ATXN1L: variants seen among roughly 807,000 people sequenced by gnomAD.
ATXN1L encodes ataxin 1 like, also known as ataxin-1-like.
In ATXN1L, 8 loss-of-function variants were observed where a neutral mutation model predicts 43.4. The observed-to-expected ratio is 0.18, with a 90% confidence interval of 0.11 to 0.33. The LOEUF is 0.33. Ranked by LOEUF, ATXN1L falls within the 10% of genes least tolerant of loss-of-function variation. The pLI, the probability that ATXN1L is intolerant of heterozygous loss-of-function variation, is 1.00. For missense variants in ATXN1L, 856 were observed against 885.4 expected (o/e 0.97, Z 0.42); for synonymous variants, 379 against 360.6 (o/e 1.05, Z -0.58).
chr16:71,851,280 C>A lies in ATXN1L; in HGVS notation c.1540C>A (p.Gln514Lys). 1 of 1,551,634 alleles carries A rather than the reference C, an allele frequency of 6.4e-7. No individual in the cohort carries two copies. Among genetic ancestry groups the A allele is most frequent in the South Asian group, 1.2e-5 (1 of 84,062 alleles). The change falls in exon 3 of 3, where the codon CAG becomes AAG. Residue 514 changes from glutamine to lysine, a missense_variant. Physicochemically the swap from Gln to Lys is moderately conservative, Grantham distance 53. Around this residue, in one of 7 missense-constraint regions of ATXN1L, gnomAD observed 54 missense variants for 56.6 expected, o/e 0.95. Transcript: ENST00000427980. The surrounding 1 kb of genome is among the most constrained non-coding windows in gnomAD (Gnocchi z 4.9). ...TGACTCTAGCACGGTCGTGGACATT[C>A]AGGAGAGCCAATGGCCTGGATTTGT... is the stretch of plus-strand genomic sequence containing the variant. Reference protein sequence around the residue: ...KIDSSTVVDIQESQWPGFVML... With the variant: ...KIDSSTVVDIKESQWPGFVML...
Position 71,850,116 on chromosome 16 carries a change from C to G in ATXN1L, c.376C>G (p.Pro126Ala). The change falls in exon 3 of 3, where the codon CCA becomes GCA. Residue 126 changes from proline to alanine, a missense_variant. Coordinates refer to ENST00000427980, the MANE Select transcript of ATXN1L (RefSeq NM_001137675.4). Reference sequence around the variant, plus strand: ...TCAACATCCAGGCATCCACTATCCTCCACTCCACTATGCTCAGCTCCCATC... The same window carrying G: ...TCAACATCCAGGCATCCACTATCCTGCACTCCACTATGCTCAGCTCCCATC... ...LIQHPGIHYP[P>A]LHYAQLPSTS... 6.4e-7 allele frequency: 1 copy of G among 1,551,732 alleles called. No individual in the cohort carries two copies. The highest frequency in any genetic ancestry group is 8.7e-7 in the Non-Finnish European group (1 of 1,146,994).
chr16:71,850,217 C>G lies in ATXN1L; in HGVS notation c.477C>G (p.Leu159=), dbSNP rs538942889. Residue 159 remains leucine (L), a synonymous_variant, in exon 3 of 3, where the codon CTC becomes CTG. Transcript: ENST00000427980. The part of the protein sequence containing the change: ...AVPPNFLPSP[L]LSPSANLATS... ...CACCTAATTTCCTACCGAGTCCCCT[C>G]CTATCTCCTTCTGCCAACCTTGCCA... 2.6e-6 allele frequency: 4 copies of G among 1,551,734 alleles called. No homozygotes were observed. The East Asian group carries it at 9.8e-5, about 38-fold the overall frequency.
rs1555497924 is a variant in ATXN1L at position 71,852,241 on chromosome 16, C to A, written c.*431C>A. On this transcript the variant is annotated 3_prime_UTR_variant, in exon 3 of 3. Coordinates refer to ENST00000427980, the MANE Select transcript of ATXN1L (RefSeq NM_001137675.4). The stretch of plus-strand genomic sequence containing the variant: ...AGTTAAACTGTCAGAAGTTTTTTTT[C>A]TTTTTTGTGGTAGAAGGGCAGGAGG... The A allele has an allele frequency of 5.9e-6, 1 of 168,590 alleles. No homozygotes were observed. Among genetic ancestry groups the A allele is most frequent in the African/African-American group, 2.4e-5 (1 of 41,450 alleles). The allele number at this position is 168,590 out of a possible 1,614,324, so 10.4% of individuals were successfully genotyped here. A position where few individuals can be genotyped will look rare whatever the true frequency, so the allele number is the denominator to read the frequency against.
rs1163203669 is a variant in ATXN1L at position 71,850,823 on chromosome 16, C to T, written c.1083C>T (p.Ser361=). ...CAGCTCAGAGGAAGGAGGAACCCAG[C>T]CCCCTCAACCTATCCCATCATACCC... ...VVAAQRKEEP[S]PLNLSHHTPD... is the part of the protein sequence containing the mutation. Residue 361 remains serine (S), a synonymous_variant, in exon 3 of 3, where the codon AGC becomes AGT. Transcript: ENST00000427980. 1.3e-6 allele frequency: 2 copies of T among 1,551,686 alleles called. No individual in the cohort carries two copies. The highest frequency in any genetic ancestry group is 2.4e-5 in the East Asian group (1 of 40,918).
At chr16:71,849,516 A>C in intron 2 of ATXN1L, 108 bp from the exon 3 acceptor site, 5 of 413,764 alleles carry the variant, frequency 1.2e-5, no homozygotes, top group Non-Finnish European at 2.1e-5. Flanking sequence ...CTTATTTTCT[A>C]ACAGTCCCCT....
rs1399312025 is a variant in ATXN1L at position 71,852,022 on chromosome 16, A to T, written c.*212A>T. 2.2e-6 allele frequency: 1 copy of T among 458,832 alleles called. No individual in the cohort carries two copies. The highest frequency in any genetic ancestry group is 1.0e-4 in the South Asian group (1 of 9,566). 28.4% of individuals were successfully genotyped at this position (458,832 alleles called of 1,614,324 possible). ...CAGGACAACCCCAGAGGGTGTTGTG[A>T]TGGGGAGCAGCAGGCCTGGGGCAAG... On this transcript the variant is annotated 3_prime_UTR_variant, in exon 3 of 3. Coordinates refer to ENST00000427980, the MANE Select transcript of ATXN1L (RefSeq NM_001137675.4).
chr16:71,847,375 G>C (rs1057028472), intron 1 of ATXN1L, among the ~76,000 whole-genome samples: 7 of 152,028 alleles, frequency 4.6e-5, no homozygotes, highest in Non-Finnish European at 1.0e-4. Flanking sequence ...TTTCATACCT[G>C]ATTCAGCACT....
At chr16:71,847,768 A>G (rs926928203) in intron 1 of ATXN1L, among the ~76,000 whole-genome samples, 15 of 152,164 alleles carry the variant, frequency 9.9e-5, no homozygotes, top group Non-Finnish European at 1.8e-4. Context: ...CGGAAAACCA[A>G]TGAAATTTGA....
chr16:71,850,696 G>A lies in ATXN1L; in HGVS notation c.956G>A (p.Arg319Gln), dbSNP rs1282802829. The change falls in exon 3 of 3, where the codon CGG becomes CAG. Residue 319 changes from arginine (R) to glutamine (Q), a missense_variant. By Grantham distance (43) the Arg-to-Gln change is conservative. Coordinates refer to ENST00000427980, the MANE Select transcript of ATXN1L (RefSeq NM_001137675.4). The stretch of plus-strand genomic sequence containing the variant: ...TTGTTTTCAGGTTCTCAGACTCCAC[G>A]GGTAGAGGTAGCAGCACCAGCACAC... Reference protein sequence around the residue: ...GQLFSGSQTPRVEVAAPAHRG... With the variant: ...GQLFSGSQTPQVEVAAPAHRG... The A allele has an allele frequency of 3.9e-6, 6 of 1,551,694 alleles. No individual in the cohort carries two copies. Among genetic ancestry groups the A allele is most frequent in the Non-Finnish European group, 5.2e-6 (6 of 1,147,000 alleles).
In ATXN1L at chr16:71,850,508, T is replaced by G; in HGVS notation, c.768T>G (p.Pro256=). The G allele has an allele frequency of 6.4e-7, 1 of 1,551,578 alleles. No homozygotes were observed. Among genetic ancestry groups the G allele is most frequent in the South Asian group, 1.2e-5 (1 of 84,056 alleles). The change falls in exon 3 of 3, where the codon CCT becomes CCG. Residue 256 remains proline (P), a synonymous_variant. Coordinates refer to ENST00000427980, the MANE Select transcript of ATXN1L (RefSeq NM_001137675.4). The stretch of plus-strand genomic sequence containing the variant: ...CAGGTGCCAGCCCAGTTCTTACCCC[T>G]CAGGAGAGCCAGTCTGCTCTGGAAG... The part of the protein sequence containing the change: ...PPAGASPVLT[P]QESQSALEAA...
At position 71,851,144 on chromosome 16, in the gene ATXN1L, T is replaced by C; in HGVS notation, c.1404T>C (p.His468=). The change falls in exon 3 of 3, where the codon CAT becomes CAC. Residue 468 remains histidine (H), a synonymous_variant. Transcript: ENST00000427980. The surrounding 1 kb of genome is among the most constrained non-coding windows in gnomAD (Gnocchi z 4.9). Reference sequence around the variant, plus strand: ...TTACCTCCTCTCACTTGCCTTCCCATTTCATGAAAGGCGCCATCATCCAGC... The same window carrying C: ...TTACCTCCTCTCACTTGCCTTCCCACTTCATGAAAGGCGCCATCATCCAGC... ...PPITSSHLPS[H]FMKGAIIQLA... 1 of 1,551,600 alleles carries C rather than the reference T, an allele frequency of 6.4e-7. No homozygotes were observed. Among genetic ancestry groups the C allele is most frequent in the Non-Finnish European group, 8.7e-7 (1 of 1,146,962 alleles).
chr16:71,847,434 A>T (rs10852505), intron 1 of ATXN1L, among the ~76,000 whole-genome samples: 37,541 of 150,768 alleles, frequency 0.25, 4,837 homozygotes, highest in Non-Finnish European at 0.28. Context: ...ACATATGCTC[A>T]TTTTTTTTTA....
Position 71,851,360 on chromosome 16 carries a change from C to A in ATXN1L, c.1620C>A (p.Pro540=). The change falls in exon 3 of 3, where the codon CCC becomes CCA. Residue 540 remains proline, a synonymous_variant. Transcript: ENST00000427980. This position sits in a 1 kb window ranked among gnomAD's most constrained non-coding sequence, Gnocchi z 4.9. ...AGAGCAAAGTGAGCATCGAAGTGCC[C>A]CCCGAGCACCCCTTCTTTGTATATG... ...EQQSKVSIEV[P]PEHPFFVYGQ... 6.4e-7 allele frequency: 1 copy of A among 1,551,626 alleles called. No individual in the cohort carries two copies. Among genetic ancestry groups the A allele is most frequent in the South Asian group, 1.2e-5 (1 of 84,060 alleles).
At position 71,853,784 on chromosome 16, in the gene ATXN1L, A is replaced by G. The variant is rs539452616; in HGVS notation, c.*1974A>G. 6.0e-6 allele frequency: 1 copy of G among 167,148 alleles called. No individual in the cohort carries two copies. The highest frequency in any genetic ancestry group is 1.9e-4 in the East Asian group (1 of 5,184). 10.4% of individuals were successfully genotyped at this position (167,148 alleles called of 1,614,324 possible). On this transcript the variant is annotated 3_prime_UTR_variant, in exon 3 of 3. Coordinates refer to ENST00000427980, the MANE Select transcript of ATXN1L (RefSeq NM_001137675.4). ...CTACCCTCCACTCTTTCATTCCTTG[A>G]AAGCAGTTTGCCTGGTCAGTCAGCT...
At chr16:71,846,634 C>T (rs763208491) in intron 1 of ATXN1L, among the ~76,000 whole-genome samples, 1 of 152,202 alleles carries the variant, frequency 6.6e-6, no homozygotes, top group Non-Finnish European at 1.5e-5. Context: ...CCGGGCTCTG[C>T]TAGCAGCGTT....
At position 71,853,696 on chromosome 16, in the gene ATXN1L, G is replaced by C. The variant is rs1438755368; in HGVS notation, c.*1886G>C. On this transcript the variant is annotated 3_prime_UTR_variant, in exon 3 of 3. Coordinates refer to ENST00000427980, the MANE Select transcript of ATXN1L (RefSeq NM_001137675.4). Reference sequence around the variant, plus strand: ...AGAATGGAGTCATTCTTAGTGTTCAGGTGCTAAAGGTTGTTCTCCTGGGGG... The same window carrying C: ...AGAATGGAGTCATTCTTAGTGTTCACGTGCTAAAGGTTGTTCTCCTGGGGG... The C allele has an allele frequency of 6.0e-6, 1 of 166,954 alleles. No individual in the cohort carries two copies. Among genetic ancestry groups the C allele is most frequent in the Non-Finnish European group, 1.5e-5 (1 of 68,114 alleles). The allele number at this position is 166,954 out of a possible 1,614,324, so 10.3% of individuals were successfully genotyped here. A position where few individuals can be genotyped will look rare whatever the true frequency, so the allele number is the denominator to read the frequency against.
In ATXN1L at chr16:71,856,538, G is replaced by A. The variant is rs1353591873; in HGVS notation, c.*4728G>A. The A allele has an allele frequency of 6.0e-6, 1 of 167,148 alleles. No individual in the cohort carries two copies. The highest frequency in any genetic ancestry group is 1.5e-5 in the Non-Finnish European group (1 of 68,140). 10.4% of individuals were successfully genotyped at this position (167,148 alleles called of 1,614,324 possible). ...GTGAGCTGTGAGTGGTTAGTGCATT[G>A]CTGGTATTGCTGAAGGCAGGGTTGA... is the stretch of plus-strand genomic sequence containing the variant. On this transcript the variant is annotated 3_prime_UTR_variant, in exon 3 of 3. Transcript: ENST00000427980.
In ATXN1L at chr16:71,852,544, T is replaced by C. The variant is rs992515621; in HGVS notation, c.*734T>C. 1.2e-5 allele frequency: 2 copies of C among 167,122 alleles called. No homozygotes were observed. Among genetic ancestry groups the C allele is most frequent in the Non-Finnish European group, 2.9e-5 (2 of 68,166 alleles). 10.4% of individuals were successfully genotyped at this position (167,122 alleles called of 1,614,324 possible). On this transcript the variant is annotated 3_prime_UTR_variant, in exon 3 of 3. Transcript: ENST00000427980. ...TTGCCAGGGACTCAGTCAGGGGACT[T>C]TGGGAGAAAGACTTGATAGCCAGGC... is the stretch of plus-strand genomic sequence containing the variant.
Position 71,846,057 on chromosome 16 carries a change from G to A in ATXN1L, c.-227G>A, listed in dbSNP as rs1319432158. 1 of 192,404 alleles carries A rather than the reference G, an allele frequency of 5.2e-6. No individual in the cohort carries two copies. Among genetic ancestry groups the A allele is most frequent in the Non-Finnish European group, 1.1e-5 (1 of 91,162 alleles). 11.9% of individuals were successfully genotyped at this position (192,404 alleles called of 1,614,324 possible). On this transcript the variant is annotated 5_prime_UTR_variant, in exon 1 of 3. Transcript: ENST00000427980. ...GATGGCGGCGGCCGCGGTTGCGGCGGCTCCGGGACGAGTGAGTGGATCCTG... is the reference window on the plus strand; with the variant it reads ...GATGGCGGCGGCCGCGGTTGCGGCGACTCCGGGACGAGTGAGTGGATCCTG...
Sources: gnomAD v4.1 joint callset for allele counts (sites outside exome capture counted in the v4.1 genomes callset) on GRCh38, gnomAD v4.1.1 for gene constraint, gnomAD v4.1.1 regional missense constraint, Gnocchi (gnomAD v3.1) non-coding constraint, MANE v1.5 for transcripts, NCBI Gene and HGNC (gene_info 2026-07-23, HGNC 2026-07-21) for gene names.